The following PDE1C variants were observed in gnomAD, a reference collection of about 807,000 sequenced individuals.
The protein encoded by PDE1C is phosphodiesterase 1C, also known as dual specificity calcium/calmodulin-dependent 3',5'-cyclic nucleotide phosphodiesterase 1C.
Under a neutral mutation model 93.1 loss-of-function variants are expected in PDE1C, and 62 were observed. The observed-to-expected ratio is 0.67, with a 90% CI of 0.54 to 0.82. PDE1C has a LOEUF of 0.82. Among genes scored for constraint, PDE1C ranks in the 40% least tolerant of loss-of-function variants. PDE1C has a pLI of 0.00. For synonymous variants in PDE1C, 325 were observed against 310.1 expected (o/e 1.05, Z -0.50); for missense variants, 742 against 884.6 (o/e 0.84, Z 2.04).
At chr7:31,620,950 T>C in the PDE1C span, among the ~76,000 whole-genome samples, 8 of 151,770 alleles carry the variant, frequency 5.3e-5, no homozygotes, top group African/African-American at 7.3e-5. Flanking sequence ...TCAAGAACTA[T>C]GTGAAGAATG....
chr7:32,041,188 T>A (rs1347751481), intron 2 of PDE1C, among the ~76,000 whole-genome samples: 1 of 152,106 alleles, frequency 6.6e-6, no homozygotes, highest in East Asian at 1.9e-4. Flanking sequence ...AAATACTATT[T>A]CCATTTACCA....
chr7:32,242,990 A>T (rs1585017592), intron 1 of PDE1C, among the ~76,000 whole-genome samples: 4 of 152,268 alleles, frequency 2.6e-5, no homozygotes, highest in Admixed American at 2.6e-4. Context: ...GATACAAGAG[A>T]TACAAGGGAC....
At chr7:31,880,723 T>C (rs772247278) in intron 3 of PDE1C, 24 bp downstream of exon 3, 2 of 1,378,094 alleles carry the variant, frequency 1.5e-6, no homozygotes, top group South Asian at 2.4e-5. Flanking sequence ...ACTATACTAA[T>C]CTCTTTTGTT....
chr7:32,241,821 C>T lies in PDE1C; in HGVS notation c.86-32282G>A, dbSNP rs544984535. Among the ~76,000 whole-genome samples the T allele has an allele frequency of 2.0e-5, 3 of 152,202 alleles. No individual in the cohort carries two copies. The East Asian group carries it at 5.8e-4, about 30-fold the overall frequency. ...GCTAGCCTCAGCCACCGCCTATCTG[C>T]TGTATCCACAGAGAGGAGATGGGTA... is the stretch of plus-strand genomic sequence containing the variant. On this transcript the variant is annotated intron_variant, in intron 1 of 18. Coordinates refer to the PDE1C transcript ENST00000396193.
At chr7:32,315,749 A>G (rs1362226410) in intron 1 of PDE1C, among the ~76,000 whole-genome samples, 1 of 152,290 alleles carries the variant, frequency 6.6e-6, no homozygotes. Flanking sequence ...TAATCCCAGC[A>G]CTTTGGGAGG....
intron 2 of PDE1C, among the ~76,000 whole-genome samples, chr7:32,177,465 T>C (rs982354833): frequency 3.3e-5 from 5 of 152,142 alleles, no homozygotes; most frequent in African/African-American, 9.7e-5. Context: ...CTGAGTCACC[T>C]TGCCCCTGCA....
intron 1 of PDE1C, among the ~76,000 whole-genome samples, chr7:32,333,637 CT>C (rs1268433008): frequency 1.3e-5 from 2 of 152,154 alleles, no homozygotes; most frequent in Non-Finnish European, 2.9e-5. Context: ...CTATGTACTC[CT>C]CCACAATTGA....
chr7:31,899,437 C>G (rs902370086), intron 2 of PDE1C, among the ~76,000 whole-genome samples: 6 of 152,090 alleles, frequency 3.9e-5, no homozygotes, highest in African/African-American at 1.4e-4. Context: ...CCACTGCGCC[C>G]GGCCGGACAG....
intron 1 of PDE1C, among the ~76,000 whole-genome samples, chr7:32,405,123 TG>T (rs1785025892): frequency 6.6e-6 from 1 of 152,210 alleles, no homozygotes; most frequent in Admixed American, 6.5e-5. Context: ...AGTATCATTC[TG>T]TTGTACAGGT....
At chr7:31,646,577 C>G in the PDE1C span, among the ~76,000 whole-genome samples, 1 of 152,192 alleles carries the variant, frequency 6.6e-6, no homozygotes, top group Non-Finnish European at 1.5e-5. Context: ...TGGACCCGAG[C>G]TCTTCTTATT....
upstream of PDE1C, among the ~76,000 whole-genome samples, chr7:32,301,539 C>A (rs1812881669): frequency 6.6e-6 from 1 of 152,314 alleles, no homozygotes; most frequent in South Asian, 2.1e-4. Context: ...CATTATCTCT[C>A]TCCCTGGTTT....
intron 1 of PDE1C, among the ~76,000 whole-genome samples, chr7:32,374,718 C>A (rs986743546): frequency 6.6e-6 from 1 of 152,238 alleles, no homozygotes; most frequent in Non-Finnish European, 1.5e-5. Flanking sequence ...TTGTTTTAAG[C>A]CACTAAGACT....
chr7:32,140,988 T>A (rs1234106483), intron 3 of PDE1C, among the ~76,000 whole-genome samples: 1 of 152,250 alleles, frequency 6.6e-6, no homozygotes, highest in African/African-American at 2.4e-5. Flanking sequence ...AGACTCCTCA[T>A]TTGGTTGCCA....
the PDE1C span, among the ~76,000 whole-genome samples, chr7:31,716,315 A>G: frequency 2.2e-4 from 34 of 152,252 alleles, no homozygotes; most frequent in East Asian, 6.2e-3. Flanking sequence ...CCTGCCCACT[A>G]TGAGCTCTCC....
chr7:32,356,127 T>A (rs1441846222), intron 1 of PDE1C, among the ~76,000 whole-genome samples: 1 of 152,122 alleles, frequency 6.6e-6, no homozygotes, highest in East Asian at 1.9e-4. Context: ...AATCAGAAAG[T>A]GGATGGATGA....
chr7:31,921,885 A>G (rs1015092517), intron 2 of PDE1C, among the ~76,000 whole-genome samples: 13 of 152,220 alleles, frequency 8.5e-5, no homozygotes, highest in Non-Finnish European at 1.5e-4. Context: ...TGTTGTATCA[A>G]GCACTACATA....
the PDE1C span, among the ~76,000 whole-genome samples, chr7:31,745,660 A>C: frequency 6.6e-6 from 1 of 152,206 alleles, no homozygotes; most frequent in Non-Finnish European, 1.5e-5. Context: ...AAAGACATTT[A>C]ATGAAAATGA....
intron 2 of PDE1C, among the ~76,000 whole-genome samples, chr7:32,186,367 G>T (rs1295206326): frequency 6.6e-6 from 1 of 152,120 alleles, no homozygotes; most frequent in Non-Finnish European, 1.5e-5. Flanking sequence ...CTCCCAAAGT[G>T]CTGGGATTAC....
intron 3 of PDE1C, among the ~76,000 whole-genome samples, chr7:32,100,943 G>A (rs1798005829): frequency 6.6e-6 from 1 of 152,092 alleles, no homozygotes; most frequent in African/African-American, 2.4e-5. Flanking sequence ...TACAACTACT[G>A]GAATTTCCAC....
Sources: gnomAD v4.1 joint callset for allele counts (sites outside exome capture counted in the v4.1 genomes callset) on GRCh38, gnomAD v4.1.1 for gene constraint, MANE v1.5 for transcripts, NCBI Gene and HGNC (gene_info 2026-07-23, HGNC 2026-07-21) for gene names.